Variants in IGLL5 observed in about 807,000 individuals in gnomAD.
IGLL5 encodes immunoglobulin lambda like polypeptide 5, also known as immunoglobulin lambda-like polypeptide 5.
A neutral mutation model predicts 20.9 loss-of-function variants in IGLL5; 30 were observed. The ratio of observed to expected loss-of-function variants is 1.44; its 90% confidence interval spans 1.07 to 1.95. The LOEUF is 1.95. Among genes scored for constraint, IGLL5 ranks in the 30% most tolerant of loss-of-function variants. The pLI is 0.00. For synonymous variants in IGLL5, 203 were observed against 117.3 expected (o/e 1.73, Z -4.72); for missense variants, 475 against 270.7 (o/e 1.75, Z -5.30).
chr22:22,890,844 T>A (rs1422887157), intron 1 of IGLL5, among the ~76,000 whole-genome samples: 1 of 151,206 alleles, frequency 6.6e-6, no homozygotes, highest in African/African-American at 2.4e-5. Context: ...TTTTATTGTG[T>A]ATTTTATTAC....
chr22:22,889,029 T>A (rs555797145), intron 1 of IGLL5, among the ~76,000 whole-genome samples: 2 of 151,266 alleles, frequency 1.3e-5, no homozygotes, highest in South Asian at 2.1e-4. Flanking sequence ...GACCATAGGG[T>A]CCGTGCACCA....
At chr22:22,892,680 G>A (rs1172430294) in intron 1 of IGLL5, among the ~76,000 whole-genome samples, 3 of 151,012 alleles carry the variant, frequency 2.0e-5, no homozygotes, top group African/African-American at 7.3e-5. Flanking sequence ...GGTTGAGGAG[G>A]CAGAATATAT....
chr22:22,894,062 G>T (rs1388452720), intron 2 of IGLL5, among the ~76,000 whole-genome samples: 6 of 151,340 alleles, frequency 4.0e-5, no homozygotes, highest in East Asian at 2.0e-4. Flanking sequence ...CAGGGTCAGG[G>T]CTCCTCCTCT....
intron 2 of IGLL5, among the ~76,000 whole-genome samples, chr22:22,894,313 A>G (rs539006409): frequency 3.3e-5 from 5 of 151,240 alleles, no homozygotes; most frequent in East Asian, 2.0e-4. Flanking sequence ...CACAGAGGTC[A>G]CCCCAAGGGG....
intron 2 of IGLL5, 141 bp from the exon 3 acceptor site, chr22:22,895,234 T>C: frequency 1.3e-6 from 1 of 764,204 alleles, no homozygotes; most frequent in Admixed American, 2.2e-5. Flanking sequence ...GTGGAAAGGA[T>C]GGGGAAAGAA....
chr22:22,888,351 G>T (rs2067585526), intron 1 of IGLL5, 92 bp downstream of exon 1: 1 of 1,229,372 alleles, frequency 8.1e-7, no homozygotes, highest in Non-Finnish European at 1.1e-6. Context: ...GAGTGAGGAG[G>T]AAGGTTAACC....
intron 1 of IGLL5, among the ~76,000 whole-genome samples, chr22:22,891,307 A>G (rs1446732623): frequency 6.6e-6 from 1 of 151,184 alleles, no homozygotes; most frequent in Non-Finnish European, 1.5e-5. Flanking sequence ...TAGGAAAGCC[A>G]ATCATCACAC....
At chr22:22,892,685 A>G (rs2067885853) in intron 1 of IGLL5, among the ~76,000 whole-genome samples, 1 of 150,816 alleles carries the variant, frequency 6.6e-6, no homozygotes, top group African/African-American at 2.4e-5. Context: ...AGGAGGCAGA[A>G]TATATGTGAA....
chr22:22,893,614 C>T (rs188236442), intron 1 of IGLL5, 86 bp from the exon 2 acceptor site: 30 of 736,060 alleles, frequency 4.1e-5, no homozygotes, highest in South Asian at 3.0e-4. Context: ...GGCACAGGGA[C>T]ACCTCTAGGG....
At chr22:22,894,249 C>G (rs944519965) in intron 2 of IGLL5, among the ~76,000 whole-genome samples, 11 of 149,690 alleles carry the variant, frequency 7.3e-5, no homozygotes, top group African/African-American at 2.7e-4. Context: ...AGCTGAGGGT[C>G]TAGGCTGAGG....
At position 22,889,859 on chromosome 22, in the gene IGLL5, G is replaced by A. The variant is rs535577889; in HGVS notation, c.206+1600G>A. ...CAATCTTTCTGCCTCAGTTTCCCAC[G>A]TGCTGGAATTACAGGCGTGAGCCAC... is the stretch of plus-strand genomic sequence containing the variant. On this transcript the variant is annotated intron_variant, in intron 1 of 2. Transcript: ENST00000526893. 3.3e-3 allele frequency among the ~76,000 whole-genome samples: 493 copies of A among 151,300 alleles called. 5 individuals are homozygous for A. Among genetic ancestry groups the A allele is most frequent in the South Asian group, 0.018 (84 of 4,736 alleles).
At position 22,890,553 on chromosome 22, in the gene IGLL5, T is replaced by G. The variant is rs1345557040; in HGVS notation, c.206+2294T>G. On this transcript the variant is annotated intron_variant, in intron 1 of 2. Transcript: ENST00000526893. ...TGACAAATGATGCTGCAGTGGAAAT[T>G]TGTGTGTGTGTGTGTGTGTGTGTGT... Among the ~76,000 whole-genome samples, 13 of 120,930 alleles carry G rather than the reference T, an allele frequency of 1.1e-4. No individual in the cohort carries two copies. In the Admixed American group the frequency reaches 1.1e-3, roughly 10 times the overall value. The allele number at this position is 120,930 out of a possible 152,430, so 79.3% of individuals were successfully genotyped here.
chr22:22,888,360 C>T (rs192143297), intron 1 of IGLL5, 101 bp downstream of exon 1: 39 of 1,097,898 alleles, frequency 3.6e-5, no homozygotes, highest in Admixed American at 1.7e-4. Flanking sequence ...GGAAGGTTAA[C>T]CCCTAAGAGG....
In IGLL5 at chr22:22,896,026, G is replaced by A; in HGVS notation, c.*332G>A. 1 of 506,304 alleles carries A rather than the reference G, an allele frequency of 2.0e-6. No individual in the cohort carries two copies. The highest frequency in any genetic ancestry group is 3.6e-6 in the Non-Finnish European group (1 of 279,672). 31.4% of individuals were successfully genotyped at this position (506,304 alleles called of 1,614,324 possible). A position where few individuals can be genotyped will look rare whatever the true frequency, so the allele number is the denominator to read the frequency against. ...TTCTCCAACTCTCCACTGTACCCCT[G>A]AGCTACCAGTCTGGCATCAGTTCAG... On this transcript the variant is annotated 3_prime_UTR_variant, in exon 3 of 3. Transcript: ENST00000526893.
In IGLL5 at chr22:22,889,504, A is replaced by G. The variant is rs2067726941; in HGVS notation, c.206+1245A>G. 1.3e-5 allele frequency among the ~76,000 whole-genome samples: 2 copies of G among 151,386 alleles called. 1 individual carries two copies. On this transcript the variant is annotated intron_variant, in intron 1 of 2. Transcript: ENST00000526893. ...TCTTTATAACAAGGGTGGTTAGCTC[A>G]GCATTATTAGTGATGGGAGAAAACT...
Position 22,887,958 on chromosome 22 carries a change from C to T in IGLL5, c.-96C>T, listed in dbSNP as rs143799402. On this transcript the variant is annotated 5_prime_UTR_variant, in exon 1 of 3. Transcript: ENST00000526893. ...GACAGAGCCAATGGACTGGGGTGTA[C>T]TGTAACAGCCCTGCTGGCGAGAGGG... 2.7e-5 allele frequency: 27 copies of T among 982,254 alleles called. 1 individual carries two copies. Among genetic ancestry groups the T allele is most frequent in the African/African-American group, 8.1e-5 (5 of 61,746 alleles). 60.8% of individuals were successfully genotyped at this position (982,254 alleles called of 1,614,324 possible). A position where few individuals can be genotyped will look rare whatever the true frequency, so the allele number is the denominator to read the frequency against.
intron 1 of IGLL5, among the ~76,000 whole-genome samples, chr22:22,889,807 G>A (rs2067754933): frequency 6.6e-6 from 1 of 151,230 alleles, no homozygotes; most frequent in African/African-American, 2.4e-5. Flanking sequence ...ATATTGCTCA[G>A]GCCTGTCTCA....
Position 22,895,585 on chromosome 22 carries a change from A to G in IGLL5, c.536A>G (p.Tyr179Cys), listed in dbSNP as rs749515277. The G allele has an allele frequency of 1.1e-5, 18 of 1,613,188 alleles. No individual in the cohort carries two copies. In the African/African-American group the frequency reaches 2.1e-4, roughly 19 times the overall value. ...AACAACAAGTACGCGGCCAGCAGCT[A>G]CCTGAGCCTGACGCCCGAGCAGTGG... ...QSNNKYAASSYLSLTPEQWKS... is the reference protein window; with the variant it reads ...QSNNKYAASSCLSLTPEQWKS... The change falls in exon 3 of 3, where the codon TAC becomes TGC. Residue 179 changes from tyrosine to cysteine, a missense_variant. Tyr to Cys is a radical substitution (Grantham distance 194). Coordinates refer to ENST00000526893, the MANE Select transcript of IGLL5 (RefSeq NM_001178126.2).
intron 1 of IGLL5, among the ~76,000 whole-genome samples, chr22:22,889,230 G>A (rs2067698625): frequency 6.6e-6 from 1 of 151,066 alleles, no homozygotes; most frequent in African/African-American, 2.4e-5. Context: ...TGGGGATGGG[G>A]AGGACACTCA....
Sources: allele counts gnomAD v4.1 joint callset (sites outside exome capture counted in the v4.1 genomes callset), GRCh38; gene constraint gnomAD v4.1.1; transcripts MANE v1.5; gene names NCBI Gene and HGNC (gene_info 2026-07-23, HGNC 2026-07-21).